Variants in WDR59 observed in about 807,000 individuals in gnomAD.
WDR59 encodes GATOR2 complex protein WDR59.
In WDR59, 100 loss-of-function variants were observed where a neutral mutation model predicts 131.2. The ratio of observed to expected loss-of-function variants is 0.76; its 90% CI spans 0.65 to 0.90. WDR59 has a LOEUF of 0.90. WDR59 is among the 40% of genes least tolerant of loss of function. The pLI is 0.00. For missense variants in WDR59, 1,203 were observed against 1,262.2 expected, an observed-to-expected ratio of 0.95 and a Z score of 0.71; for synonymous variants, 601 against 466.2, an observed-to-expected ratio of 1.29 and a Z score of -3.72.
chr16:74,880,972 T>C (rs143298954), intron 25 of WDR59, among the ~76,000 whole-genome samples: 415 of 152,328 alleles, frequency 2.7e-3, no homozygotes, highest in Non-Finnish European at 4.0e-3. Context: ...AGTAAACTGT[T>C]GAACGAAATT....
chr16:74,874,187 A>G lies in WDR59; in HGVS notation c.*22T>C. ...ACTTATGGGTCCTCTGGGATTTCAG[A>G]CAATACCCAACTTCTGTAGGTTCAG... On this transcript the variant is annotated 3_prime_UTR_variant, in exon 26 of 26. Transcript: ENST00000262144. 1 of 1,596,712 alleles carries G rather than the reference A, an allele frequency of 6.3e-7. No homozygotes were observed. The highest frequency in any genetic ancestry group is 1.1e-5 in the South Asian group (1 of 89,732).
intron 2 of WDR59, among the ~76,000 whole-genome samples, chr16:74,957,736 A>T (rs558800304): frequency 1.3e-5 from 2 of 152,270 alleles, no homozygotes; most frequent in African/African-American, 4.8e-5. Context: ...TCAGCTATTG[A>T]TTCTTTGCTA....
Position 74,916,141 on chromosome 16 carries a change from T to C in WDR59, c.1085A>G (p.His362Arg). The C allele has an allele frequency of 6.2e-7, 1 of 1,614,210 alleles. No homozygotes were observed. The highest frequency in any genetic ancestry group is 8.5e-7 in the Non-Finnish European group (1 of 1,180,028). The stretch of plus-strand genomic sequence containing the variant: ...TGACAAATTACCTTCTTCCTCCCCA[T>C]GGCTTGCAGTGTGCTGGTGATCTGT... ...EDTDHQHTASHGEEEALKEDP... is the reference protein window; with the variant it reads ...EDTDHQHTASRGEEEALKEDP... The change falls in exon 12 of 26, where the codon CAT (histidine) becomes CGT (arginine). Residue 362 changes from histidine (H) to arginine (R), a missense_variant. Physicochemically the swap from His to Arg is conservative, Grantham distance 29. Transcript: ENST00000262144.
rs147627439 is a variant in WDR59 at position 74,976,782 on chromosome 16, C to T, written c.54+8182G>A. On this transcript the variant is annotated intron_variant, in intron 1 of 25. Coordinates refer to ENST00000262144, the MANE Select transcript of WDR59 (RefSeq NM_030581.4). ...GAAGACTTAAAAAGAATTTGGGAGG[C>T]CATGGTAGGTGGATCATTTGAGCCC... Among the ~76,000 whole-genome samples, 25 of 152,232 alleles carry T rather than the reference C, an allele frequency of 1.6e-4. No homozygotes were observed. In the East Asian group the frequency reaches 4.8e-3, roughly 29 times the overall value.
At chr16:74,916,018 G>C (rs962275005) in intron 12 of WDR59, 24 bp from the exon 13 acceptor site, 1 of 1,613,968 alleles carries the variant, frequency 6.2e-7, no homozygotes, top group Non-Finnish European at 8.5e-7. Context: ...GAAGTTCAAT[G>C]TTGGAAAGCA....
intron 16 of WDR59, 55 bp from the exon 17 acceptor site, chr16:74,909,032 A>C: frequency 6.7e-7 from 1 of 1,493,984 alleles, no homozygotes; most frequent in South Asian, 1.1e-5. Context: ...GCCGTGGGAA[A>C]TCCTGAGGCA....
chr16:74,984,858 G>T (rs548032066), intron 1 of WDR59, 106 bp downstream of exon 1: 83 of 1,507,098 alleles, frequency 5.5e-5, no homozygotes, highest in Non-Finnish European at 7.0e-5. Context: ...TCCTCAGTAC[G>T]GGGCCTAGGG....
chr16:74,956,698 T>C, intron 2 of WDR59, 88 bp from the exon 3 acceptor site: 1 of 1,520,694 alleles, frequency 6.6e-7, no homozygotes, highest in African/African-American at 1.4e-5. Flanking sequence ...TTGCATACAA[T>C]TTGCAAGCAG....
intron 1 of WDR59, among the ~76,000 whole-genome samples, chr16:74,968,652 T>G (rs552543659): frequency 6.6e-6 from 1 of 151,912 alleles, no homozygotes; most frequent in Non-Finnish European, 1.5e-5. Flanking sequence ...ACCCAGGAAG[T>G]GGAGGCTGCA....
intron 3 of WDR59, among the ~76,000 whole-genome samples, 164 bp from the exon 4 acceptor site, chr16:74,951,707 A>G (rs1428177306): frequency 6.6e-6 from 1 of 152,230 alleles, no homozygotes; most frequent in East Asian, 1.9e-4. Flanking sequence ...TACAATTAAC[A>G]TTAGCTTGAG....
intron 1 of WDR59, among the ~76,000 whole-genome samples, chr16:74,981,657 TA>T (rs1322743295): frequency 4.1e-4 from 6 of 14,562 alleles, no homozygotes; most frequent in African/African-American, 1.0e-3. Context: ...TATATATATA[TA>T]TATTTTTTTT....
intron 2 of WDR59, chr16:74,962,942 G>A (rs1391198082): frequency 2.0e-5 from 3 of 151,560 alleles, no homozygotes; most frequent in East Asian, 3.9e-4. Context: ...TATGTACCCA[G>A]AGGAATCTAA....
intron 3 of WDR59, among the ~76,000 whole-genome samples, chr16:74,955,541 C>T (rs1242049788): frequency 6.6e-6 from 1 of 152,172 alleles, no homozygotes; most frequent in African/African-American, 2.4e-5. Context: ...CTCTGCCTTT[C>T]TCTTTGAGAA....
At chr16:74,940,589 T>C (rs1383482535) in intron 7 of WDR59, among the ~76,000 whole-genome samples, 1 of 152,226 alleles carries the variant, frequency 6.6e-6, no homozygotes, top group Non-Finnish European at 1.5e-5. Context: ...AAGTCTGTAA[T>C]GCTTGCTGCC....
At chr16:74,955,773 T>C (rs1321445511) in intron 3 of WDR59, among the ~76,000 whole-genome samples, 1 of 152,116 alleles carries the variant, frequency 6.6e-6, no homozygotes, top group Non-Finnish European at 1.5e-5. Context: ...AGAATTCCTT[T>C]AAATACTCTC....
At position 74,893,817 on chromosome 16, in the gene WDR59, G is replaced by C. The variant is rs1358633149; in HGVS notation, c.1867-5C>G. On this transcript the variant is annotated splice_region_variant and splice_polypyrimidine_tract_variant and intron_variant, in intron 18 of 25. Transcript: ENST00000262144. The stretch of plus-strand genomic sequence containing the variant: ...ACTTTTCCATCGTCTTGATTTCTAG[G>C]GGTAGATGACAGGATGTAACTAATG... 1.2e-6 allele frequency: 2 copies of C among 1,613,930 alleles called. No homozygotes were observed. Among genetic ancestry groups the C allele is most frequent in the Non-Finnish European group, 1.7e-6 (2 of 1,179,872 alleles).
chr16:74,912,420 C>G, intron 13 of WDR59, 58 bp from the exon 14 acceptor site: 1 of 1,564,052 alleles, frequency 6.4e-7, no homozygotes, highest in Non-Finnish European at 8.7e-7. Context: ...TCTTTCGATG[C>G]AAGCACATTT....
At chr16:74,954,352 G>A (rs1162985091) in intron 3 of WDR59, among the ~76,000 whole-genome samples, 1 of 152,136 alleles carries the variant, frequency 6.6e-6, no homozygotes, top group Non-Finnish European at 1.5e-5. Context: ...AGGTTGTGGT[G>A]AGCCGAGATC....
At chr16:74,979,731 G>C (rs2034324112) in intron 1 of WDR59, among the ~76,000 whole-genome samples, 1 of 148,946 alleles carries the variant, frequency 6.7e-6, no homozygotes, top group African/African-American at 2.5e-5. Flanking sequence ...AGTACAGATG[G>C]GGTTTCACCA....
Sources: allele counts gnomAD v4.1 joint callset (sites outside exome capture counted in the v4.1 genomes callset), GRCh38; gene constraint gnomAD v4.1.1; transcripts MANE v1.5; gene names NCBI Gene and HGNC (gene_info 2026-07-23, HGNC 2026-07-21).